CRK: variants seen among roughly 807,000 people sequenced by gnomAD.
CRK encodes the protein CRK proto-oncogene, adaptor protein.
Under a neutral mutation model 29.8 loss-of-function variants are expected in CRK, and 4 were observed. The ratio of observed to expected loss-of-function variants is 0.13; its 90% CI spans 0.07 to 0.31. CRK has a LOEUF of 0.31. Among genes scored for constraint, CRK ranks in the 10% least tolerant of loss-of-function variants. CRK has a pLI of 1.00. For missense variants in CRK, 274 were observed against 396.5 expected, an observed-to-expected ratio of 0.69 and a Z score of 2.62; for synonymous variants, 153 against 164.9, an observed-to-expected ratio of 0.93 and a Z score of 0.55.
Position 1,420,729 on chromosome 17 carries a change from A to G in CRK, c.*2784T>C, listed in dbSNP as rs952728755. The stretch of plus-strand genomic sequence containing the variant: ...AGATCACCAAGCCAAACATTTGGCC[A>G]TATTTTTATTTACTACATATACTAT... On this transcript the variant is annotated 3_prime_UTR_variant, in exon 3 of 3. Transcript: ENST00000300574. 2 of 152,142 alleles carry G rather than the reference A, an allele frequency of 1.3e-5. No homozygotes were observed. The highest frequency in any genetic ancestry group is 2.4e-5 in the African/African-American group (1 of 41,440). 9.4% of individuals were successfully genotyped at this position (152,142 alleles called of 1,614,324 possible).
chr17:1,448,530 G>A (rs902470814), intron 1 of CRK, among the ~76,000 whole-genome samples: 1 of 149,586 alleles, frequency 6.7e-6, no homozygotes, highest in African/African-American at 2.5e-5. Flanking sequence ...GGCTGAGGCA[G>A]GAGAACTGCC....
intron 2 of CRK, chr17:1,426,266 G>C (rs1467115164): frequency 2.6e-5 from 4 of 152,442 alleles, no homozygotes; most frequent in Non-Finnish European, 5.9e-5. Flanking sequence ...GAGAGGAAGG[G>C]ATGATGGCCC....
In CRK at chr17:1,433,509, C is replaced by CTTTTTTTT. The variant is rs60236552; in HGVS notation, c.777+3103_777+3110dup. 6.3e-4 allele frequency among the ~76,000 whole-genome samples: 37 copies of CTTTTTTTT among 58,582 alleles called. 4 individuals carry two copies. Among genetic ancestry groups the CTTTTTTTT allele is most frequent in the African/African-American group, 1.9e-3 (35 of 18,552 alleles). The allele number at this position is 58,582 out of a possible 152,430, so 38.4% of individuals were successfully genotyped here. On this transcript the variant is annotated intron_variant, in intron 2 of 2. Coordinates refer to ENST00000300574, the MANE Select transcript of CRK (RefSeq NM_016823.4). ...CACAGGTGCACACCACCACGCCTGG[C>CTTTTTTTT]TTTTTTTTTTTTTTTTTTTTTTTTT...
In CRK at chr17:1,443,989, C is replaced by A. The variant is rs1416257208; in HGVS notation, c.242-6834G>T. 4.6e-5 allele frequency among the ~76,000 whole-genome samples: 7 copies of A among 151,990 alleles called. No individual in the cohort carries two copies. The South Asian group carries it at 1.0e-3, about 23-fold the overall frequency. On this transcript the variant is annotated intron_variant, in intron 1 of 2. Coordinates refer to ENST00000300574, the MANE Select transcript of CRK (RefSeq NM_016823.4). Reference sequence around the variant, plus strand: ...TGCTGGGATTACAGGCGTGAGCCACCCCGCCTGGCCTATTTTTTTTTTTTA... The same window carrying A: ...TGCTGGGATTACAGGCGTGAGCCACACCGCCTGGCCTATTTTTTTTTTTTA...
In CRK at chr17:1,423,330, C is replaced by T. The variant is rs954605335; in HGVS notation, c.*183G>A. The T allele has an allele frequency of 2.8e-5, 21 of 760,232 alleles. No homozygotes were observed. The highest frequency in any genetic ancestry group is 3.7e-5 in the Non-Finnish European group (18 of 492,396). 47.1% of individuals were successfully genotyped at this position (760,232 alleles called of 1,614,324 possible). On this transcript the variant is annotated 3_prime_UTR_variant, in exon 3 of 3. Transcript: ENST00000300574. ...AAGCTAACACACAAGCCCTCCAGTT[C>T]GTACCCTGAATATGGTAATTAAGAC... is the stretch of plus-strand genomic sequence containing the variant.
chr17:1,445,784 G>C (rs1273475809), intron 1 of CRK, among the ~76,000 whole-genome samples: 2 of 152,170 alleles, frequency 1.3e-5, no homozygotes, highest in Admixed American at 6.6e-5. Flanking sequence ...GGCCACCTGG[G>C]CACCCATGGC....
At chr17:1,425,270 G>A (rs1299161385) in intron 2 of CRK, among the ~76,000 whole-genome samples, 2 of 150,664 alleles carry the variant, frequency 1.3e-5, no homozygotes, top group Non-Finnish European at 1.5e-5. Flanking sequence ...TTTGTATTTT[G>A]TTTAGTAGAG....
intron 2 of CRK, among the ~76,000 whole-genome samples, chr17:1,436,244 T>A (rs2073885272): frequency 6.6e-6 from 1 of 152,178 alleles, no homozygotes. Flanking sequence ...TAGAGACCAC[T>A]TATTACACTC....
In CRK at chr17:1,423,482, C is replaced by G; in HGVS notation, c.*31G>C. ...TTGGAAAAAAAAAAAAAAGATTGTT[C>G]CCATCTGTCAGCAAAACTGTTGAAC... On this transcript the variant is annotated 3_prime_UTR_variant, in exon 3 of 3. Coordinates refer to ENST00000300574, the MANE Select transcript of CRK (RefSeq NM_016823.4). 3.2e-6 allele frequency: 5 copies of G among 1,578,780 alleles called. No individual in the cohort carries two copies. Among genetic ancestry groups the G allele is most frequent in the Non-Finnish European group, 2.6e-6 (3 of 1,162,252 alleles).
chr17:1,430,841 G>C (rs1474939523), intron 2 of CRK, among the ~76,000 whole-genome samples: 3 of 151,774 alleles, frequency 2.0e-5, no homozygotes, highest in Non-Finnish European at 4.4e-5. Flanking sequence ...GCCGAGGTGG[G>C]TGGATCACGA....
intron 1 of CRK, among the ~76,000 whole-genome samples, chr17:1,442,738 G>T (rs1428696011): frequency 6.7e-6 from 1 of 149,370 alleles, no homozygotes; most frequent in Non-Finnish European, 1.5e-5. Context: ...GCCCCAAGTA[G>T]CTGGGATACA....
Position 1,443,951 on chromosome 17 carries a change from C to T in CRK, c.242-6796G>A, listed in dbSNP as rs566021450. On this transcript the variant is annotated intron_variant, in intron 1 of 2. Coordinates refer to ENST00000300574, the MANE Select transcript of CRK (RefSeq NM_016823.4). ...TCCTGACCTTGTGATCCGCCCGCCT[C>T]GGCCTCCCAAAGTGCTGGGATTACA... Among the ~76,000 whole-genome samples the T allele has an allele frequency of 1.1e-3, 170 of 151,794 alleles. 1 individual carries two copies. Among genetic ancestry groups the T allele is most frequent in the African/African-American group, 3.9e-3 (163 of 41,386 alleles).
intron 2 of CRK, among the ~76,000 whole-genome samples, chr17:1,427,691 G>A (rs1169071353): frequency 3.3e-5 from 5 of 149,812 alleles, no homozygotes; most frequent in Non-Finnish European, 7.4e-5. Context: ...GTGCAGTGAC[G>A]CTATCTTGGC....
intron 1 of CRK, among the ~76,000 whole-genome samples, chr17:1,441,842 C>T (rs543848876): frequency 1.6e-4 from 24 of 151,158 alleles, no homozygotes; most frequent in Non-Finnish European, 3.0e-4. Context: ...TCTTGCTTTA[C>T]TGCCCAGGCT....
intron 1 of CRK, among the ~76,000 whole-genome samples, chr17:1,439,652 C>G (rs946344073): frequency 5.9e-5 from 9 of 151,482 alleles, no homozygotes; most frequent in Non-Finnish European, 1.3e-4. Context: ...AGTTCAAGAC[C>G]AACCCGGGCA....
intron 2 of CRK, among the ~76,000 whole-genome samples, chr17:1,433,303 C>G (rs1187097076): frequency 6.6e-6 from 1 of 152,172 alleles, no homozygotes; most frequent in Non-Finnish European, 1.5e-5. Context: ...CAGCACATCA[C>G]TGACTGCTAA....
At chr17:1,455,732 C>A in intron 1 of CRK, 145 bp downstream of exon 1, 1 of 1,223,364 alleles carries the variant, frequency 8.2e-7, no homozygotes, top group Non-Finnish European at 1.1e-6. Context: ...TGAGAGCGAG[C>A]CCGAGCAGCC....
chr17:1,431,014 G>A (rs1385374739), intron 2 of CRK, among the ~76,000 whole-genome samples: 2 of 151,904 alleles, frequency 1.3e-5, no homozygotes, highest in East Asian at 3.9e-4. Flanking sequence ...CTCGCAGTGA[G>A]CCGAGATCAC....
At chr17:1,441,414 A>T (rs577322681) in intron 1 of CRK, among the ~76,000 whole-genome samples, 1 of 152,008 alleles carries the variant, frequency 6.6e-6, no homozygotes, top group South Asian at 2.1e-4. Flanking sequence ...CCGCAGTCTC[A>T]AACTCCTGGG....
Sources: allele counts gnomAD v4.1 joint callset (sites outside exome capture counted in the v4.1 genomes callset), GRCh38; gene constraint gnomAD v4.1.1; transcripts MANE v1.5; gene names NCBI Gene and HGNC (gene_info 2026-07-23, HGNC 2026-07-21).